Variants in ATRNL1 observed in about 807,000 individuals in gnomAD.
ATRNL1 encodes attractin like 1, also known as attractin-like protein 1.
A neutral mutation model predicts 182.7 loss-of-function variants in ATRNL1; 95 were observed. The ratio of observed to expected loss-of-function variants is 0.52; its 90% confidence interval spans 0.44 to 0.62. The LOEUF is 0.62. ATRNL1 is among the 20% of genes least tolerant of loss of function. The probability of loss-of-function intolerance (pLI) is 0.00; values close to 1 mark genes in which losing one functional copy is unlikely to be tolerated. For missense variants in ATRNL1, 1,471 were observed against 1,679.5 expected, an observed-to-expected ratio of 0.88 and a Z score of 2.17; for synonymous variants, 576 against 568.3, an observed-to-expected ratio of 1.01 and a Z score of -0.19.
At chr10:115,789,039 C>T (rs528892344) in intron 27 of ATRNL1, among the ~76,000 whole-genome samples, 1 of 152,316 alleles carries the variant, frequency 6.6e-6, no homozygotes, top group Admixed American at 6.5e-5. Context: ...GTGGGGAAAG[C>T]CACTTGTGTT....
intron 1 of ATRNL1, among the ~76,000 whole-genome samples, chr10:115,098,703 C>T (rs1355413566): frequency 2.6e-5 from 4 of 151,866 alleles, no homozygotes; most frequent in East Asian, 3.9e-4. Flanking sequence ...GTGATCCACC[C>T]GCCTCGGCCT....
intron 28 of ATRNL1, among the ~76,000 whole-genome samples, chr10:115,915,328 G>C (rs1309454024): frequency 2.0e-5 from 3 of 152,002 alleles, no homozygotes; most frequent in Non-Finnish European, 2.9e-5. Flanking sequence ...AACCTGGGGG[G>C]CGGAGCTTGC....
intron 26 of ATRNL1, among the ~76,000 whole-genome samples, chr10:115,684,564 C>A (rs1946159204): frequency 6.6e-6 from 1 of 151,192 alleles, no homozygotes; most frequent in Non-Finnish European, 1.5e-5. Context: ...TCAAATAGAG[C>A]TAATTATTGT....
intron 28 of ATRNL1, among the ~76,000 whole-genome samples, chr10:115,866,606 A>G (rs567760388): frequency 6.6e-6 from 1 of 152,162 alleles, no homozygotes; most frequent in East Asian, 1.9e-4. Context: ...TGTCTACTCT[A>G]CAGTTTATGC....
At chr10:115,193,054 T>C (rs1201593526) in intron 8 of ATRNL1, among the ~76,000 whole-genome samples, 1 of 152,018 alleles carries the variant, frequency 6.6e-6, no homozygotes, top group Non-Finnish European at 1.5e-5. Flanking sequence ...TAGGATGTCC[T>C]TTATTTCTTT....
intron 2 of ATRNL1, among the ~76,000 whole-genome samples, chr10:115,121,257 T>G (rs11197070): frequency 6.6e-6 from 1 of 152,032 alleles, no homozygotes; most frequent in Admixed American, 6.6e-5. Context: ...GGACTAGAGG[T>G]GCATGCCGCC....
chr10:115,615,885 C>T (rs927346413), intron 26 of ATRNL1, among the ~76,000 whole-genome samples: 9 of 151,874 alleles, frequency 5.9e-5, no homozygotes, highest in East Asian at 1.9e-4. Context: ...TATAGCAATG[C>T]GAGAATGGAC....
intron 10 of ATRNL1, among the ~76,000 whole-genome samples, chr10:115,247,488 C>T (rs782782939): frequency 1.8e-4 from 27 of 152,090 alleles, no homozygotes; most frequent in Admixed American, 1.4e-3. Flanking sequence ...TATCATCTCA[C>T]GCCATTTAGG....
At chr10:115,708,927 C>T (rs975731198) in intron 26 of ATRNL1, among the ~76,000 whole-genome samples, 1 of 151,682 alleles carries the variant, frequency 6.6e-6, no homozygotes, top group Middle Eastern at 3.2e-3. Context: ...AGTTATCTCA[C>T]TTTTTTTGAA....
chr10:115,505,599 G>A (rs1215654856), intron 24 of ATRNL1, among the ~76,000 whole-genome samples: 10 of 151,754 alleles, frequency 6.6e-5, no homozygotes, highest in African/African-American at 2.4e-4. Context: ...ACTATTTTAG[G>A]TCCCACATGT....
At chr10:115,351,145 G>T (rs1279028103) in intron 19 of ATRNL1, among the ~76,000 whole-genome samples, 2 of 152,058 alleles carry the variant, frequency 1.3e-5, no homozygotes, top group Non-Finnish European at 2.9e-5. Flanking sequence ...TAGGTTTTTG[G>T]TGGAGTCTTT....
At chr10:115,523,507 G>A (rs1471645892) in intron 25 of ATRNL1, among the ~76,000 whole-genome samples, 1 of 152,146 alleles carries the variant, frequency 6.6e-6, no homozygotes, top group Non-Finnish European at 1.5e-5. Flanking sequence ...CTTTCCTTTT[G>A]ATTATACATT....
At chr10:115,629,608 T>C (rs1323426352) in intron 26 of ATRNL1, among the ~76,000 whole-genome samples, 2 of 152,158 alleles carry the variant, frequency 1.3e-5, no homozygotes, top group Non-Finnish European at 2.9e-5. Flanking sequence ...TGGTAATTGT[T>C]GCATGAAGCC....
chr10:115,129,175 T>A (rs1456341513), intron 4 of ATRNL1, 152 bp from the exon 5 acceptor site: 3 of 611,168 alleles, frequency 4.9e-6, no homozygotes, highest in Non-Finnish European at 8.6e-6. Context: ...AGTAAGAGGG[T>A]ACAGAGTAAA....
chr10:115,736,142 G>A (rs1947943295), intron 27 of ATRNL1, among the ~76,000 whole-genome samples: 1 of 152,048 alleles, frequency 6.6e-6, no homozygotes, highest in African/African-American at 2.4e-5. Context: ...CCCCTTCTAA[G>A]ACTCTGATTA....
intron 20 of ATRNL1, among the ~76,000 whole-genome samples, chr10:115,422,921 A>G (rs892347138): frequency 2.6e-5 from 4 of 152,244 alleles, no homozygotes; most frequent in African/African-American, 9.6e-5. Context: ...ATCAAGTATT[A>G]TGCTTATTAC....
chr10:115,258,236 C>T (rs1294159599), intron 10 of ATRNL1, among the ~76,000 whole-genome samples: 5 of 152,088 alleles, frequency 3.3e-5, no homozygotes, highest in Admixed American at 2.0e-4. Context: ...CCATCACTTT[C>T]AGGTACACCA....
chr10:115,331,050 G>C (rs1267250961), intron 18 of ATRNL1, among the ~76,000 whole-genome samples: 1 of 115,338 alleles, frequency 8.7e-6, no homozygotes. Context: ...TTCTGCTATT[G>C]ATGCCCTTTA....
chr10:115,513,910 C>T (rs990693779), intron 24 of ATRNL1, among the ~76,000 whole-genome samples: 30 of 151,954 alleles, frequency 2.0e-4, no homozygotes, highest in African/African-American at 7.2e-4. Context: ...AGTACAAAAA[C>T]TGCTTGTGCT....
Sources: allele counts gnomAD v4.1 joint callset (sites outside exome capture counted in the v4.1 genomes callset), GRCh38; gene constraint gnomAD v4.1.1; transcripts MANE v1.5; gene names NCBI Gene and HGNC (gene_info 2026-07-23, HGNC 2026-07-21).